The following HECW1 variants were observed in gnomAD, a reference collection of about 807,000 sequenced individuals.
HECW1 encodes the protein HECT, C2 and WW domain containing E3 ubiquitin protein ligase 1, also known as E3 ubiquitin-protein ligase HECW1.
A neutral mutation model predicts 182.3 loss-of-function variants in HECW1; 61 were observed. That is an observed-to-expected ratio of 0.33 (90% confidence interval 0.27 to 0.41). The LOEUF (loss-of-function observed/expected upper bound fraction) is 0.41. HECW1 is among the 10% of genes least tolerant of loss of function. The pLI is 1.00. For missense variants in HECW1, 1,739 were observed against 2,108.9 expected (o/e 0.82, Z 3.44); for synonymous variants, 859 against 832.6 (o/e 1.03, Z -0.55).
intron 3 of HECW1, among the ~76,000 whole-genome samples, chr7:43,284,005 G>A (rs550531819): frequency 6.6e-6 from 1 of 152,108 alleles, no homozygotes; most frequent in African/African-American, 2.4e-5. Context: ...CAAGGACAAG[G>A]GAAGTAGAGA....
At chr7:43,310,385 C>T (rs1584429420) in intron 3 of HECW1, among the ~76,000 whole-genome samples, 1 of 152,334 alleles carries the variant, frequency 6.6e-6, no homozygotes, top group East Asian at 1.9e-4. Flanking sequence ...TATTTTCATA[C>T]TGCTATAGTG....
intron 10 of HECW1, 22 bp downstream of exon 10, chr7:43,442,651 T>G (rs377161341): frequency 1.3e-6 from 2 of 1,499,678 alleles, no homozygotes; most frequent in Non-Finnish European, 1.9e-6. Flanking sequence ...ATGAACTTCA[T>G]GTCTTGTCCT....
intron 8 of HECW1, among the ~76,000 whole-genome samples, chr7:43,428,019 C>T (rs541909344): frequency 6.6e-6 from 1 of 152,196 alleles, no homozygotes; most frequent in Non-Finnish European, 1.5e-5. Flanking sequence ...TGGCATCCAA[C>T]ACATTCACAG....
chr7:43,457,487 A>C (rs919150218), intron 13 of HECW1, among the ~76,000 whole-genome samples: 1 of 152,236 alleles, frequency 6.6e-6, no homozygotes, highest in African/African-American at 2.4e-5. Context: ...TTAAAAACAC[A>C]TGGGGCCGGG....
intron 2 of HECW1, among the ~76,000 whole-genome samples, chr7:43,125,510 A>G (rs1387885543): frequency 2.0e-5 from 3 of 151,914 alleles, no homozygotes; most frequent in Non-Finnish European, 4.4e-5. Flanking sequence ...TAATCCCAGC[A>G]TTTTGGGAGG....
At chr7:43,203,190 A>G (rs1795169421) in intron 2 of HECW1, among the ~76,000 whole-genome samples, 1 of 152,110 alleles carries the variant, frequency 6.6e-6, no homozygotes, top group African/African-American at 2.4e-5. Flanking sequence ...TTTTATACTT[A>G]TTATATTTCA....
chr7:43,169,279 C>T (rs967011230), intron 2 of HECW1, among the ~76,000 whole-genome samples: 1 of 152,124 alleles, frequency 6.6e-6, no homozygotes, highest in African/African-American at 2.4e-5. Flanking sequence ...AAATGTAAAG[C>T]CTAGAGCTGT....
At chr7:43,134,393 CAAAAAAAA>C (rs35414360) in intron 2 of HECW1, among the ~76,000 whole-genome samples, 1 of 87,772 alleles carries the variant, frequency 1.1e-5, no homozygotes, top group Non-Finnish European at 2.0e-5. Flanking sequence ...GACTCTGTCT[CAAAAAAAA>C]AAAAAAAAAA....
At chr7:43,317,401 T>A (rs1167949420) in intron 4 of HECW1, among the ~76,000 whole-genome samples, 1 of 152,346 alleles carries the variant, frequency 6.6e-6, no homozygotes, top group East Asian at 1.9e-4. Context: ...CCCTTGCGAG[T>A]GAGGCAAAGG....
chr7:43,347,867 A>G (rs1437115305), intron 5 of HECW1, among the ~76,000 whole-genome samples: 1 of 151,356 alleles, frequency 6.6e-6, no homozygotes, highest in East Asian at 1.9e-4. Flanking sequence ...CTCTTATAAA[A>G]CCCATTTGAT....
chr7:43,276,102 G>A (rs1365800180), intron 3 of HECW1, among the ~76,000 whole-genome samples: 2 of 152,182 alleles, frequency 1.3e-5, no homozygotes, highest in Non-Finnish European at 2.9e-5. Context: ...GGGCCCAGTG[G>A]GAAGATGTGA....
At chr7:43,230,775 A>G (rs936193819) in intron 2 of HECW1, among the ~76,000 whole-genome samples, 2 of 152,258 alleles carry the variant, frequency 1.3e-5, no homozygotes, top group African/African-American at 2.4e-5. Flanking sequence ...CAGAAAAAGG[A>G]AAAACAAACA....
At chr7:43,485,091 T>C (rs1216130441) in intron 17 of HECW1, among the ~76,000 whole-genome samples, 1 of 152,190 alleles carries the variant, frequency 6.6e-6, no homozygotes, top group African/African-American at 2.4e-5. Flanking sequence ...ATAGAAAATT[T>C]CTGGAAGGTA....
At chr7:43,460,180 T>C (rs2077534409) in intron 13 of HECW1, among the ~76,000 whole-genome samples, 1 of 152,264 alleles carries the variant, frequency 6.6e-6, no homozygotes, top group Non-Finnish European at 1.5e-5. Context: ...CCAAGGGAGA[T>C]AAATGTGGAT....
At chr7:43,184,706 T>C (rs1793210960) in intron 2 of HECW1, among the ~76,000 whole-genome samples, 1 of 152,228 alleles carries the variant, frequency 6.6e-6, no homozygotes, top group African/African-American at 2.4e-5. Context: ...GCATCTGTTC[T>C]CACATTGCTG....
chr7:43,245,602 A>G (rs1419261553), intron 3 of HECW1: 1 of 152,226 alleles, frequency 6.6e-6, no homozygotes, highest in Non-Finnish European at 1.5e-5. Context: ...CCAAATACGC[A>G]CACAGATCAT....
intron 6 of HECW1, among the ~76,000 whole-genome samples, chr7:43,387,048 A>G (rs879403645): frequency 8.5e-5 from 13 of 152,192 alleles, no homozygotes; most frequent in Non-Finnish European, 1.8e-4. Context: ...TGATCCAGCC[A>G]TTTAGAAGGT....
intron 12 of HECW1, among the ~76,000 whole-genome samples, chr7:43,451,924 G>C (rs2077249340): frequency 6.6e-6 from 1 of 152,162 alleles, no homozygotes; most frequent in South Asian, 2.1e-4. Flanking sequence ...GTTTTCAAAA[G>C]GAGAAGTGCT....
At chr7:43,543,735 C>T (rs549627531) in intron 26 of HECW1, among the ~76,000 whole-genome samples, 64 of 148,412 alleles carry the variant, frequency 4.3e-4, no homozygotes, top group Non-Finnish European at 8.1e-4. Context: ...GCCGAGATCA[C>T]GTCATTGCAC....
Sources: gnomAD v4.1 joint callset for allele counts (sites outside exome capture counted in the v4.1 genomes callset) on GRCh38, gnomAD v4.1.1 for gene constraint, MANE v1.5 for transcripts, NCBI Gene and HGNC (gene_info 2026-07-23, HGNC 2026-07-21) for gene names.